MID1: variants seen among roughly 807,000 people sequenced by gnomAD.
MID1 encodes the protein midline 1, also known as E3 ubiquitin-protein ligase Midline-1.
A neutral mutation model predicts 40.4 loss-of-function variants in MID1; 7 were observed. That is an observed-to-expected ratio of 0.17 (90% CI 0.10 to 0.33). The LOEUF is 0.33. Among genes scored for constraint, MID1 ranks in the 10% least tolerant of loss-of-function variants. MID1 has a pLI of 1.00. For synonymous variants in MID1, 229 were observed against 221.2 expected (o/e 1.04, Z -0.31); for missense variants, 367 against 558.5 (o/e 0.66, Z 3.46).
At chrX:10,482,675 G>C (rs1413759735) in intron 4 of MID1, 47 bp from the exon 5 acceptor site, 6 of 1,173,522 alleles carry the variant, frequency 5.1e-6, no homozygotes, top group Non-Finnish European at 6.9e-6. Context: ...GGGTGGTCTT[G>C]CTTAATGAAA....
intron 1 of MID1, among the ~76,000 whole-genome samples, chrX:10,646,740 A>C (rs2147571238): frequency 8.9e-6 from 1 of 111,847 alleles, no homozygotes; most frequent in South Asian, 3.8e-4. Flanking sequence ...AAAATAAGTT[A>C]AGTAATCTTT....
chrX:10,707,156 A>G (rs759972867), intron 1 of MID1, among the ~76,000 whole-genome samples: 1 of 112,082 alleles, frequency 8.9e-6, no homozygotes, highest in African/African-American at 3.2e-5. Context: ...TTGTTCATGC[A>G]ATAGTCCCAC....
intron 1 of MID1, among the ~76,000 whole-genome samples, chrX:10,636,784 GGATATATATATATA>G (rs1344728922): frequency 1.6e-4 from 2 of 12,157 alleles, no homozygotes; most frequent in African/African-American, 8.5e-4. Flanking sequence ...CCAACAATGG[GGATATATATATATA>G]TATATATATA....
intron 1 of MID1, among the ~76,000 whole-genome samples, chrX:10,760,599 AG>A (rs2043671001): frequency 9.1e-6 from 1 of 110,076 alleles, no homozygotes; most frequent in Admixed American, 9.6e-5. Flanking sequence ...TTTGGGAGGC[AG>A]AAGTTGGAGG....
intron 9 of MID1, among the ~76,000 whole-genome samples, chrX:10,450,539 C>A (rs1482747402): frequency 8.9e-6 from 1 of 112,451 alleles, no homozygotes; most frequent in Non-Finnish European, 1.9e-5. Context: ...CCTGATGGCA[C>A]ATATTAACAA....
chrX:10,475,873 C>A (rs1257025284), intron 5 of MID1, among the ~76,000 whole-genome samples: 1 of 111,830 alleles, frequency 8.9e-6, no homozygotes, highest in Non-Finnish European at 1.9e-5. Context: ...CTGTACTCTT[C>A]TGTTTCATCT....
chrX:10,638,011 G>T (rs767552951), intron 1 of MID1, among the ~76,000 whole-genome samples: 1 of 111,951 alleles, frequency 8.9e-6, no homozygotes, highest in African/African-American at 3.2e-5. Context: ...AAATACACTC[G>T]GGAAGTGGGA....
rs181207312 is a variant in MID1, at chrX:10,568,562, G to A, written c.-56-959C>T. ...CTTTTGGCCAAAAAACTCCCACCAC[G>A]GGCTTGTCACTGTTGCCAGCAACAG... On this transcript the variant is annotated intron_variant, in intron 1 of 9. Coordinates refer to ENST00000317552, the MANE Select transcript of MID1 (RefSeq NM_000381.4). 7.2e-3 allele frequency among the ~76,000 whole-genome samples: 798 copies of A among 110,967 alleles called. 5 individuals are homozygous for A. The highest frequency in any genetic ancestry group is 0.025 in the African/African-American group (750 of 30,504).
chrX:10,510,757 A>G (rs1932089317), intron 3 of MID1, among the ~76,000 whole-genome samples: 2 of 99,029 alleles, frequency 2.0e-5, no homozygotes, highest in South Asian at 1.0e-3. Flanking sequence ...GCTTGAACCC[A>G]GGAGGCAGAG....
Position 10,717,588 on chromosome X carries a change from A to T in MID1, c.-186-97169T>A, listed in dbSNP as rs770315895. Among the ~76,000 whole-genome samples, 20 of 110,247 alleles carry T rather than the reference A, an allele frequency of 1.8e-4. No individual in the cohort carries two copies. In the South Asian group the frequency reaches 8.1e-3, roughly 45 times the overall value. On this transcript the variant is annotated intron_variant, in intron 1 of 10. Coordinates refer to the MID1 transcript ENST00000380785. ...ACAAAGAGACTTAGACTCCCACACAATAATAATGGGAGACTTTAACACCCC... is the reference window on the plus strand; with the variant it reads ...ACAAAGAGACTTAGACTCCCACACATTAATAATGGGAGACTTTAACACCCC...
At chrX:10,754,983 G>A (rs2043623395) in intron 1 of MID1, among the ~76,000 whole-genome samples, 1 of 111,911 alleles carries the variant, frequency 8.9e-6, no homozygotes, top group South Asian at 3.8e-4. Context: ...TTACCAGGCT[G>A]TTGCTCATAC....
chrX:10,548,225 T>G (rs1933772940), intron 2 of MID1, among the ~76,000 whole-genome samples: 1 of 111,459 alleles, frequency 9.0e-6, no homozygotes, highest in South Asian at 3.8e-4. Flanking sequence ...ATGTCCCCTC[T>G]CAAAGCTCCC....
At chrX:10,630,494 G>A (rs1024372510) in intron 1 of MID1, among the ~76,000 whole-genome samples, 3 of 109,268 alleles carry the variant, frequency 2.7e-5, no homozygotes, top group Non-Finnish European at 5.7e-5. Flanking sequence ...TACAGTAGTA[G>A]GAGCTGAAGT....
intron 7 of MID1, among the ~76,000 whole-genome samples, chrX:10,460,305 C>T (rs185416926): frequency 9.0e-6 from 1 of 111,407 alleles, no homozygotes; most frequent in African/African-American, 3.3e-5. Context: ...AGGAGTGAAC[C>T]AAGCAGCGAT....
intron 1 of MID1, among the ~76,000 whole-genome samples, chrX:10,612,921 G>A (rs886959869): frequency 1.8e-5 from 2 of 111,939 alleles, no homozygotes; most frequent in African/African-American, 3.3e-5. Context: ...GTGCTAAAAC[G>A]TCAACCCAGA....
intron 7 of MID1, among the ~76,000 whole-genome samples, chrX:10,461,022 T>C (rs747076345): frequency 9.2e-6 from 1 of 109,041 alleles, no homozygotes; most frequent in South Asian, 4.0e-4. Flanking sequence ...AGTTGAAAAA[T>C]TCACCTTATA....
chrX:10,586,857 C>T (rs1192128352), intron 1 of MID1, among the ~76,000 whole-genome samples: 1 of 112,557 alleles, frequency 8.9e-6, no homozygotes, highest in African/African-American at 3.2e-5. Flanking sequence ...CCATGTTTTT[C>T]TTTTTCTGAC....
Position 10,797,394 on chromosome X carries a change from TTTGCATAAAG to T in MID1, c.-187+36150_-187+36159del, listed in dbSNP as rs1203173263. On this transcript the variant is annotated intron_variant, in intron 1 of 10. Transcript: ENST00000380785. ...ATTTTCAGTGTTGATATCACCTCCG[TTTGCATAAAG>T]AACCAATTGACTATCACCACCAGAA... is the stretch of plus-strand genomic sequence containing the variant. Among the ~76,000 whole-genome samples the T allele has an allele frequency of 9.8e-4, 110 of 111,835 alleles. 2 individuals carry two copies. The Admixed American group carries it at 0.01, about 11-fold the overall frequency.
At chrX:10,810,696 C>CTGTGTGTGTGTGTGTGTG (rs370482398) in intron 1 of MID1, among the ~76,000 whole-genome samples, 2 of 101,104 alleles carry the variant, frequency 2.0e-5, no homozygotes, top group African/African-American at 3.6e-5. Flanking sequence ...GTTGTTTTCT[C>CTGTGTGTGTGTGTGTGTG]TGTGTGTGTG....
Sources: allele counts gnomAD v4.1 joint callset (sites outside exome capture counted in the v4.1 genomes callset), GRCh38; gene constraint gnomAD v4.1.1; transcripts MANE v1.5; gene names NCBI Gene and HGNC (gene_info 2026-07-23, HGNC 2026-07-21).